CCNY: variants seen among roughly 807,000 people sequenced by gnomAD.
CCNY encodes the protein cyclin-Y.
In CCNY, 19 loss-of-function variants were observed where a neutral mutation model predicts 42.8. The ratio of observed to expected loss-of-function variants is 0.44; its 90% confidence interval spans 0.31 to 0.65. The LOEUF is 0.65. Ranked by LOEUF, CCNY falls within the 30% of genes least tolerant of loss-of-function variation. CCNY has a pLI of 0.07. For synonymous variants in CCNY, 165 were observed against 162.7 expected, an observed-to-expected ratio of 1.01 and a Z score of -0.11; for missense variants, 370 against 437.3, an observed-to-expected ratio of 0.85 and a Z score of 1.37.
intron 3 of CCNY, among the ~76,000 whole-genome samples, chr10:35,508,928 C>T (rs1424597930): frequency 6.6e-6 from 1 of 152,162 alleles, no homozygotes; most frequent in Non-Finnish European, 1.5e-5. Context: ...CCCTCCCCCA[C>T]TAGTCTACTG....
intron 1 of CCNY, among the ~76,000 whole-genome samples, chr10:35,471,548 G>T (rs1226338434): frequency 2.6e-5 from 4 of 152,178 alleles, no homozygotes; most frequent in African/African-American, 9.7e-5. Flanking sequence ...AGGTTGACCA[G>T]TATAAGAGAA....
intron 4 of CCNY, among the ~76,000 whole-genome samples, chr10:35,519,776 CTTTTT>C (rs1177122335): frequency 2.0e-3 from 153 of 74,662 alleles, no homozygotes; most frequent in African/African-American, 5.2e-3. Context: ...CTTTTCTTTT[CTTTTT>C]TTTTTTTTTT....
At chr10:35,552,794 CTGTT>C (rs1227005694) in intron 7 of CCNY, among the ~76,000 whole-genome samples, 1 of 152,212 alleles carries the variant, frequency 6.6e-6, no homozygotes, top group Admixed American at 6.5e-5. Flanking sequence ...TCCACAGAGT[CTGTT>C]TAAGATCCAG....
chr10:35,483,346 T>G, intron 1 of CCNY, 58 bp from the exon 2 acceptor site: 1 of 1,146,330 alleles, frequency 8.7e-7, no homozygotes, highest in South Asian at 1.3e-5. Context: ...GAGTCAATCT[T>G]GATTCCTCTT....
intron 3 of CCNY, among the ~76,000 whole-genome samples, chr10:35,323,762 T>C (rs987550139): frequency 6.6e-6 from 1 of 152,178 alleles, no homozygotes; most frequent in Admixed American, 6.6e-5. Flanking sequence ...CTCCCACCTG[T>C]AATCCCAGCA....
At chr10:35,471,155 T>C (rs936956789) in intron 1 of CCNY, among the ~76,000 whole-genome samples, 4 of 152,138 alleles carry the variant, frequency 2.6e-5, no homozygotes, top group African/African-American at 9.7e-5. Context: ...CTCTGCTCAC[T>C]GACACTGTCT....
chr10:35,381,565 C>CAAA (rs57561593), intron 1 of CCNY, among the ~76,000 whole-genome samples: 15 of 69,702 alleles, frequency 2.2e-4, no homozygotes, highest in South Asian at 9.5e-4. Context: ...GACTCCGTCT[C>CAAA]AAAAAAAAAA....
intron 3 of CCNY, among the ~76,000 whole-genome samples, chr10:35,256,019 TC>T (rs2095715207): frequency 6.6e-6 from 1 of 152,222 alleles, no homozygotes; most frequent in Non-Finnish European, 1.5e-5. Flanking sequence ...GCCATCCCTG[TC>T]CTATTTTACT....
rs148954376 is a variant in CCNY at position 35,565,947 on chromosome 10, C to T, written c.747-76C>T. ...GATGCAGTTTTCTGGAGTCTGGTCT[C>T]CAGCAACTTGCCTTGGCAGGCCACG... On this transcript the variant is annotated intron_variant, in intron 8 of 9. Transcript: ENST00000374704. The T allele has an allele frequency of 8.3e-5, 122 of 1,466,650 alleles. No homozygotes were observed. In the East Asian group the frequency reaches 2.5e-3, roughly 29 times the overall value. 90.9% of individuals were successfully genotyped at this position (1,466,650 alleles called of 1,614,324 possible).
intron 1 of CCNY, among the ~76,000 whole-genome samples, chr10:35,403,520 G>A (rs1837690617): frequency 6.6e-6 from 1 of 152,184 alleles, no homozygotes; most frequent in Admixed American, 6.5e-5. Flanking sequence ...CATGGGATCT[G>A]ATGTCCTTTG....
In CCNY at chr10:35,376,320, C is replaced by G. The variant is rs11595300; in HGVS notation, c.154+39113C>G. Among the ~76,000 whole-genome samples, 50 of 151,994 alleles carry G rather than the reference C, an allele frequency of 3.3e-4. No homozygotes were observed. In the East Asian group the frequency reaches 9.6e-3, roughly 29 times the overall value. ...AGCAGTGCCACTCTTAGGTGTATGC[C>G]GAAGATAACTGAAAACATGTTTATA... On this transcript the variant is annotated intron_variant, in intron 1 of 9. Coordinates refer to ENST00000374704, the MANE Select transcript of CCNY (RefSeq NM_145012.6).
At position 35,542,656 on chromosome 10, in the gene CCNY, C is replaced by T. The variant is rs182500622; in HGVS notation, c.580-10363C>T. 3.0e-3 allele frequency among the ~76,000 whole-genome samples: 450 copies of T among 152,324 alleles called. 3 individuals are homozygous for T. The highest frequency in any genetic ancestry group is 4.7e-3 in the Admixed American group (72 of 15,300). Reference sequence around the variant, plus strand: ...GCCCAGCCATTGCAGCACGGCTGTCCGATGCCTGCCATTCAACCCCTGAAC... The same window carrying T: ...GCCCAGCCATTGCAGCACGGCTGTCTGATGCCTGCCATTCAACCCCTGAAC... On this transcript the variant is annotated intron_variant, in intron 7 of 9. Transcript: ENST00000374704.
Position 35,569,526 on chromosome 10 carries a change from C to T in CCNY, c.*356C>T, listed in dbSNP as rs952529974. The T allele has an allele frequency of 2.3e-5, 7 of 299,166 alleles. No individual in the cohort carries two copies. Among genetic ancestry groups the T allele is most frequent in the Non-Finnish European group, 4.5e-5 (7 of 154,572 alleles). The allele number at this position is 299,166 out of a possible 1,614,324, so 18.5% of individuals were successfully genotyped here. On this transcript the variant is annotated 3_prime_UTR_variant, in exon 10 of 10. Transcript: ENST00000374704. ...GGGGGCGGTAGCTGAAGTTGGCGAG[C>T]GCAGCGGTGGATGCAGAGCTGGCTG...
Position 35,525,657 on chromosome 10 carries a change from CT to C in CCNY, c.366-297del, listed in dbSNP as rs796977479. On this transcript the variant is annotated intron_variant, in intron 4 of 9. Coordinates refer to ENST00000374704, the MANE Select transcript of CCNY (RefSeq NM_145012.6). ...TATACCACCTATTTTTTACATAGCG[CT>C]TTTTTTTTTCCCACAAGTGAGGAAA... Among the ~76,000 whole-genome samples the C allele has an allele frequency of 6.8e-4, 101 of 147,700 alleles. 1 individual carries two copies. The highest frequency in any genetic ancestry group is 1.1e-3 in the Admixed American group (16 of 14,808).
intron 1 of CCNY, among the ~76,000 whole-genome samples, chr10:35,442,709 A>G (rs1230480580): frequency 6.6e-6 from 1 of 152,308 alleles, no homozygotes; most frequent in Admixed American, 6.5e-5. Flanking sequence ...TAAAGAAACT[A>G]CTGGGGATGG....
At chr10:35,377,719 A>G (rs1837084893) in intron 1 of CCNY, among the ~76,000 whole-genome samples, 1 of 152,246 alleles carries the variant, frequency 6.6e-6, no homozygotes, top group Non-Finnish European at 1.5e-5. Context: ...ACTTGTAATA[A>G]AAATATACTA....
At chr10:35,408,070 G>A (rs1464103010) in intron 1 of CCNY, among the ~76,000 whole-genome samples, 1 of 152,034 alleles carries the variant, frequency 6.6e-6, no homozygotes. Context: ...GAGATTGAAG[G>A]GTGGCGCCAA....
intron 1 of CCNY, among the ~76,000 whole-genome samples, chr10:35,247,941 A>T (rs1177639667): frequency 6.6e-6 from 1 of 151,878 alleles, no homozygotes; most frequent in Non-Finnish European, 1.5e-5. Context: ...GAAAAAAAAA[A>T]GAAAAATAGA....
At chr10:35,375,244 T>C (rs1479434089) in intron 1 of CCNY, among the ~76,000 whole-genome samples, 1 of 152,232 alleles carries the variant, frequency 6.6e-6, no homozygotes, top group Non-Finnish European at 1.5e-5. Flanking sequence ...CTGTGTTTCC[T>C]GTTGTGGGCT....
Sources: gnomAD v4.1 joint callset for allele counts (sites outside exome capture counted in the v4.1 genomes callset) on GRCh38, gnomAD v4.1.1 for gene constraint, MANE v1.5 for transcripts, NCBI Gene and HGNC (gene_info 2026-07-23, HGNC 2026-07-21) for gene names.